Variants in MAPK10 observed in about 807,000 individuals in gnomAD.
MAPK10 encodes the protein JNK3 alpha protein kinase.
MAPK10 carries 25 observed loss-of-function variants against 59.3 expected under a neutral mutation model. The observed-to-expected ratio is 0.42, with a 90% CI of 0.31 to 0.59. The LOEUF (loss-of-function observed/expected upper bound fraction) is 0.59. Among genes scored for constraint, MAPK10 ranks in the 20% least tolerant of loss-of-function variants. The pLI is 0.15. For missense variants in MAPK10, 351 were observed against 568.9 expected (o/e 0.62, Z 3.90); for synonymous variants, 190 against 200.5 (o/e 0.95, Z 0.44).
chr4:86,547,542 G>A (rs985322938), intron 1 of MAPK10, among the ~76,000 whole-genome samples: 15 of 152,306 alleles, frequency 9.8e-5, no homozygotes, highest in East Asian at 5.8e-4. Flanking sequence ...CCTCCCCCGC[G>A]CTCCCTGGGC....
chr4:86,410,193 T>C (rs1744956056), intron 1 of MAPK10, among the ~76,000 whole-genome samples: 1 of 152,238 alleles, frequency 6.6e-6, no homozygotes, highest in African/African-American at 2.4e-5. Flanking sequence ...GTTTATGTGA[T>C]GGATGATGTT....
At chr4:86,089,215 C>T in intron 9 of MAPK10, 1 of 1,611,616 alleles carries the variant, frequency 6.2e-7, no homozygotes. Flanking sequence ...CGATCAGTGC[C>T]AGGAAACAGC....
intron 2 of MAPK10, among the ~76,000 whole-genome samples, chr4:86,307,461 C>G (rs2095590332): frequency 6.6e-6 from 1 of 151,962 alleles, no homozygotes; most frequent in African/African-American, 2.4e-5. Flanking sequence ...ACACAAGGAA[C>G]TTTAAGGGAA....
At chr4:86,564,961 G>A (rs900569813) in intron 1 of MAPK10, among the ~76,000 whole-genome samples, 6 of 152,096 alleles carry the variant, frequency 3.9e-5, no homozygotes, top group African/African-American at 1.4e-4. Context: ...TTGGCATCTC[G>A]AGAACTTATC....
At chr4:86,083,618 C>T (rs2051135831) in intron 9 of MAPK10, among the ~76,000 whole-genome samples, 1 of 152,086 alleles carries the variant, frequency 6.6e-6, no homozygotes, top group South Asian at 2.1e-4. Flanking sequence ...CACTGCCTTT[C>T]TAGGTCACTA....
intron 2 of MAPK10, chr4:86,336,364 G>A (rs1721364212): frequency 6.6e-6 from 1 of 152,154 alleles, no homozygotes; most frequent in African/African-American, 2.4e-5. Flanking sequence ...TTTAACTTAA[G>A]CCTGACAACC....
intron 1 of MAPK10, among the ~76,000 whole-genome samples, chr4:86,581,837 T>C (rs1054628469): frequency 1.4e-5 from 2 of 146,964 alleles, no homozygotes; most frequent in Non-Finnish European, 3.0e-5. Context: ...TATGTTCTTA[T>C]GTGTTATTTG....
At chr4:86,275,293 G>A (rs1001426341) in intron 2 of MAPK10, among the ~76,000 whole-genome samples, 2 of 151,906 alleles carry the variant, frequency 1.3e-5, no homozygotes, top group Non-Finnish European at 2.9e-5. Flanking sequence ...AAAATGCAAG[G>A]TCACTAGATG....
intron 1 of MAPK10, among the ~76,000 whole-genome samples, chr4:86,567,760 T>A (rs1327688534): frequency 1.3e-5 from 2 of 152,220 alleles, no homozygotes; most frequent in Non-Finnish European, 2.9e-5. Flanking sequence ...TATCATAGAA[T>A]GAAATTAGAT....
At chr4:86,561,257 T>C (rs563555920) in intron 1 of MAPK10, among the ~76,000 whole-genome samples, 2 of 152,290 alleles carry the variant, frequency 1.3e-5, no homozygotes, top group East Asian at 3.9e-4. Flanking sequence ...TAATGATCCA[T>C]GGCCTGGGGG....
At chr4:86,342,421 C>T (rs1166016481) in intron 2 of MAPK10, among the ~76,000 whole-genome samples, 1 of 152,116 alleles carries the variant, frequency 6.6e-6, no homozygotes, top group East Asian at 1.9e-4. Context: ...TTAACAATGA[C>T]AATAGTTCCA....
At chr4:86,374,685 G>A (rs1228498313) in intron 1 of MAPK10, among the ~76,000 whole-genome samples, 1 of 152,188 alleles carries the variant, frequency 6.6e-6, no homozygotes, top group South Asian at 2.1e-4. Flanking sequence ...CTGATGTTCC[G>A]CTATAAGGAA....
At chr4:86,402,374 T>C (rs200921483) in intron 1 of MAPK10, among the ~76,000 whole-genome samples, 5 of 152,160 alleles carry the variant, frequency 3.3e-5, no homozygotes, top group Non-Finnish European at 5.9e-5. Flanking sequence ...AGTTTTAACA[T>C]AGGCAAATTC....
chr4:86,145,759 T>A (rs893893930), intron 4 of MAPK10, among the ~76,000 whole-genome samples: 2 of 152,200 alleles, frequency 1.3e-5, no homozygotes, highest in African/African-American at 4.8e-5. Flanking sequence ...ATTCTCCTCT[T>A]TTACTCTGTC....
At chr4:86,526,709 G>A (rs939950947) in intron 1 of MAPK10, among the ~76,000 whole-genome samples, 2 of 152,080 alleles carry the variant, frequency 1.3e-5, no homozygotes, top group African/African-American at 2.4e-5. Flanking sequence ...CATTTAGTGT[G>A]ATAAACTTTC....
intron 1 of MAPK10, among the ~76,000 whole-genome samples, chr4:86,403,583 T>G (rs1378090508): frequency 1.3e-5 from 2 of 152,048 alleles, no homozygotes; most frequent in African/African-American, 4.8e-5. Flanking sequence ...GGAAAGAGGC[T>G]TAATTGGCTC....
chr4:86,319,472 T>C (rs1408614614), intron 2 of MAPK10, among the ~76,000 whole-genome samples: 1 of 152,164 alleles, frequency 6.6e-6, no homozygotes, highest in Non-Finnish European at 1.5e-5. Context: ...CATTCCATTG[T>C]AAAAATTTGA....
intron 1 of MAPK10, among the ~76,000 whole-genome samples, chr4:86,481,373 GT>G (rs1276936665): frequency 1.4e-5 from 2 of 147,980 alleles, no homozygotes; most frequent in Non-Finnish European, 3.0e-5. Context: ...TTGGGGTATT[GT>G]TTTTTGAACC....
At chr4:86,150,424 AT>A (rs1285595202) in intron 4 of MAPK10, among the ~76,000 whole-genome samples, 2 of 152,310 alleles carry the variant, frequency 1.3e-5, no homozygotes, top group East Asian at 1.9e-4. Flanking sequence ...TAACAAAAAA[AT>A]CTCACTTGTA....
Sources: gnomAD v4.1 joint callset for allele counts (sites outside exome capture counted in the v4.1 genomes callset) on GRCh38, gnomAD v4.1.1 for gene constraint, MANE v1.5 for transcripts, NCBI Gene and HGNC (gene_info 2026-07-23, HGNC 2026-07-21) for gene names.